The following FER variants were observed in gnomAD, a reference collection of about 807,000 sequenced individuals.
FER encodes the protein FER tyrosine kinase.
FER carries 63 observed loss-of-function variants against 111.0 expected under a neutral mutation model. That is an observed-to-expected ratio of 0.57 (90% CI 0.46 to 0.70). FER has a LOEUF of 0.70. Among genes scored for constraint, FER ranks in the 30% least tolerant of loss-of-function variants. The pLI is 0.00. For synonymous variants in FER, 327 were observed against 313.9 expected (o/e 1.04, Z -0.44); for missense variants, 914 against 954.0 (o/e 0.96, Z 0.55).
intron 1 of FER, among the ~76,000 whole-genome samples, chr5:108,749,910 T>G (rs193118758): frequency 6.6e-6 from 1 of 152,248 alleles, no homozygotes; most frequent in Non-Finnish European, 1.5e-5. Flanking sequence ...GTGGGCACTT[T>G]GTACGTTTGC....
intron 1 of FER, among the ~76,000 whole-genome samples, chr5:108,749,901 T>TACA (rs1218078656): frequency 2.6e-5 from 4 of 152,322 alleles, no homozygotes; most frequent in African/African-American, 9.6e-5. Context: ...TACTATGAGG[T>TACA]GGGCACTTTG....
chr5:109,181,767 C>T (rs1252039080), intron 18 of FER, among the ~76,000 whole-genome samples: 2 of 152,044 alleles, frequency 1.3e-5, no homozygotes, highest in Non-Finnish European at 1.5e-5. Context: ...ATTCACATAC[C>T]ATAAAATTAA....
intron 2 of FER, chr5:108,784,443 A>G (rs1014661497): frequency 1.3e-5 from 2 of 153,974 alleles, no homozygotes; most frequent in Admixed American, 1.3e-4. Flanking sequence ...TCCCCTGACA[A>G]CCAGCAGATT....
intron 2 of FER, chr5:108,785,473 C>G: frequency 1.7e-6 from 1 of 574,494 alleles, no homozygotes. Context: ...CCTCCCTGGC[C>G]TGGTCTGTTG....
rs78633948 is a variant in FER at position 108,906,551 on chromosome 5, A to G, written c.1236+8703A>G. On this transcript the variant is annotated intron_variant, in intron 10 of 19. Coordinates refer to ENST00000281092, the MANE Select transcript of FER (RefSeq NM_005246.4). ...TTAGAGTTGATCAGCTAATTTTTCA[A>G]ATATTTTTAGTGTTACTAGTTTATT... Among the ~76,000 whole-genome samples, 151 of 152,190 alleles carry G rather than the reference A, an allele frequency of 9.9e-4. 2 individuals carry two copies. The East Asian group carries it at 0.022, about 23-fold the overall frequency.
At chr5:108,993,658 C>CGAGGGAGAGGGCGAGGGCGAGGGT (rs1561737404) in intron 13 of FER, among the ~76,000 whole-genome samples, 5 of 117,598 alleles carry the variant, frequency 4.3e-5, no homozygotes, top group East Asian at 2.1e-4. Context: ...AGGGCGAGGG[C>CGAGGGAGAGGGCGAGGGCGAGGGT]GAGGGTGAGG....
Position 109,066,781 on chromosome 5 carries a change from A to G in FER, c.1924+19583A>G, listed in dbSNP as rs149244221. ...TTGGGCACCAGCTTTGTTCCATACAAAATACGCTGGTGAAAAATACATCAG... is the reference window on the plus strand; with the variant it reads ...TTGGGCACCAGCTTTGTTCCATACAGAATACGCTGGTGAAAAATACATCAG... On this transcript the variant is annotated intron_variant, in intron 16 of 19. Coordinates refer to ENST00000281092, the MANE Select transcript of FER (RefSeq NM_005246.4). Among the ~76,000 whole-genome samples, 106 of 152,334 alleles carry G rather than the reference A, an allele frequency of 7.0e-4. 1 individual carries two copies. The highest frequency in any genetic ancestry group is 5.2e-3 in the East Asian group (27 of 5,188).
chr5:109,161,760 T>C (rs1026064432), intron 17 of FER, among the ~76,000 whole-genome samples: 1 of 152,096 alleles, frequency 6.6e-6, no homozygotes, highest in Non-Finnish European at 1.5e-5. Context: ...ATGCCCATTA[T>C]GGGTATATTA....
At chr5:108,917,803 G>T (rs961692634) in intron 10 of FER, among the ~76,000 whole-genome samples, 1 of 152,202 alleles carries the variant, frequency 6.6e-6, no homozygotes, top group South Asian at 2.1e-4. Flanking sequence ...ATGCCAAGGA[G>T]CATGATGTCA....
At chr5:108,828,710 A>G (rs942837878) in intron 3 of FER, among the ~76,000 whole-genome samples, 7 of 152,340 alleles carry the variant, frequency 4.6e-5, no homozygotes, top group East Asian at 1.9e-4. Context: ...GTAAAATTCA[A>G]TTGTAAGGAA....
intron 16 of FER, among the ~76,000 whole-genome samples, chr5:109,087,820 A>G (rs1301949272): frequency 5.3e-5 from 8 of 152,010 alleles, no homozygotes; most frequent in Middle Eastern, 3.4e-3. Context: ...TAGAATATCT[A>G]TAATTTTTAT....
chr5:108,787,006 C>A (rs777248615), intron 2 of FER, among the ~76,000 whole-genome samples: 1 of 152,110 alleles, frequency 6.6e-6, no homozygotes, highest in East Asian at 1.9e-4. Flanking sequence ...CTGCACCCAT[C>A]GGGGCTGTGC....
intron 5 of FER, among the ~76,000 whole-genome samples, chr5:108,855,874 A>G (rs563428620): frequency 6.6e-6 from 1 of 152,146 alleles, no homozygotes; most frequent in East Asian, 1.9e-4. Context: ...GGAGATAACT[A>G]GTATCAGTTT....
At chr5:108,913,186 A>G (rs927976153) in intron 10 of FER, among the ~76,000 whole-genome samples, 4 of 152,182 alleles carry the variant, frequency 2.6e-5, no homozygotes, top group African/African-American at 4.8e-5. Context: ...ATTATTTTCT[A>G]TATAAACTTT....
rs182652954 is a variant in FER at position 108,917,509 on chromosome 5, C to T, written c.1236+19661C>T. 5.9e-5 allele frequency among the ~76,000 whole-genome samples: 9 copies of T among 152,192 alleles called. No individual in the cohort carries two copies. The East Asian group carries it at 1.7e-3, about 29-fold the overall frequency. On this transcript the variant is annotated intron_variant, in intron 10 of 19. Coordinates refer to ENST00000281092, the MANE Select transcript of FER (RefSeq NM_005246.4). ...GTAGAAATAATTTAATTTTTGTTTG[C>T]TCTTCCTTATTGTTTTCTTGGGTGA...
intron 13 of FER, among the ~76,000 whole-genome samples, chr5:108,992,931 T>C (rs1380401239): frequency 6.9e-6 from 1 of 145,250 alleles, no homozygotes; most frequent in Non-Finnish European, 1.5e-5. Context: ...TTCCCACATC[T>C]CCGACGATGG....
intron 9 of FER, among the ~76,000 whole-genome samples, chr5:108,891,981 C>G (rs1380954871): frequency 6.6e-6 from 1 of 152,178 alleles, no homozygotes; most frequent in Admixed American, 6.5e-5. Flanking sequence ...CATGTCCCTA[C>G]AAAGGACATG....
At chr5:109,120,208 GTTTTC>G (rs1582119137) in intron 17 of FER, among the ~76,000 whole-genome samples, 1 of 152,070 alleles carries the variant, frequency 6.6e-6, no homozygotes, top group East Asian at 1.9e-4. Flanking sequence ...TTTCCCCAAT[GTTTTC>G]TTTTAGCGGT....
At chr5:109,103,513 TA>T (rs965872654) in intron 17 of FER, among the ~76,000 whole-genome samples, 2 of 152,206 alleles carry the variant, frequency 1.3e-5, no homozygotes, top group African/African-American at 4.8e-5. Flanking sequence ...GTTCTTGTTG[TA>T]ATTTCCATTT....
Sources: gnomAD v4.1 joint callset for allele counts (sites outside exome capture counted in the v4.1 genomes callset) on GRCh38, gnomAD v4.1.1 for gene constraint, MANE v1.5 for transcripts, NCBI Gene and HGNC (gene_info 2026-07-23, HGNC 2026-07-21) for gene names.